CNOT1: variants seen among roughly 807,000 people sequenced by gnomAD.
The protein encoded by CNOT1 is CCR4-NOT transcription complex subunit 1, also known as CCR4-associated factor 1.
CNOT1 carries 15 observed loss-of-function variants against 273.8 expected under a neutral mutation model. The observed-to-expected ratio is 0.05, with a 90% CI of 0.04 to 0.08. CNOT1 has a LOEUF of 0.08. CNOT1 is among the 10% of genes least tolerant of loss of function. CNOT1 has a pLI of 1.00. For missense variants in CNOT1, 1,644 were observed against 2,912.2 expected, an observed-to-expected ratio of 0.56 and a Z score of 10.02; for synonymous variants, 1,022 against 1,005.5, an observed-to-expected ratio of 1.02 and a Z score of -0.31.
intron 16 of CNOT1, among the ~76,000 whole-genome samples, chr16:58,566,564 T>C (rs1458262083): frequency 6.6e-6 from 1 of 152,230 alleles, no homozygotes; most frequent in Non-Finnish European, 1.5e-5. Context: ...CTTGAAACTG[T>C]AGAACATTTA....
At chr16:58,557,259 T>C (rs1263605817) in intron 18 of CNOT1, among the ~76,000 whole-genome samples, 3 of 152,172 alleles carry the variant, frequency 2.0e-5, no homozygotes, top group Non-Finnish European at 2.9e-5. Flanking sequence ...AATGTATACA[T>C]TCTCAAAGCA....
Position 58,582,891 on chromosome 16 carries a change from G to C in CNOT1, c.946C>G (p.Pro316Ala). The C allele has an allele frequency of 6.2e-7, 1 of 1,612,008 alleles. No homozygotes were observed. Among genetic ancestry groups the C allele is most frequent in the South Asian group, 1.1e-5 (1 of 91,020 alleles). ...DGIPLQSISA[P>A]GSGIWSDGKD... ...CCATCACTCCAGATCCCACTGCCCG[G>C]AGCAGAAATACTCTGTAGAAGTAAA... Residue 316 changes from proline (P) to alanine (A), a missense_variant, in exon 10 of 49, where the codon CCG becomes GCG. Pro to Ala is a conservative substitution (Grantham distance 27). Coordinates refer to ENST00000317147, the MANE Select transcript of CNOT1 (RefSeq NM_016284.5).
At chr16:58,581,959 G>A (rs1018056103) in intron 10 of CNOT1, among the ~76,000 whole-genome samples, 2 of 151,896 alleles carry the variant, frequency 1.3e-5, no homozygotes, top group South Asian at 2.1e-4. Flanking sequence ...CTCCACAACC[G>A]GCTTATCACA....
In CNOT1 at chr16:58,543,745, C is replaced by T. The variant is rs771007635; in HGVS notation, c.4296G>A (p.Ser1432=). The change falls in exon 31 of 49, where the codon TCG becomes TCA. Residue 1432 remains serine, a synonymous_variant. Transcript: ENST00000317147. ...CTGCTATTCGCATTCGAGATTCCTC[C>T]GAATCCAGGGCAAAATCCTTCCTGA... ...QIVRKDFALD[S]EESRMRIAAH... 65 of 1,613,980 alleles carry T rather than the reference C, an allele frequency of 4.0e-5. No homozygotes were observed. The highest frequency in any genetic ancestry group is 2.0e-4 in the Admixed American group (12 of 59,974).
chr16:58,562,512 A>T (rs1379527256), intron 16 of CNOT1, among the ~76,000 whole-genome samples: 1 of 150,896 alleles, frequency 6.6e-6, no homozygotes, highest in Non-Finnish European at 1.5e-5. Flanking sequence ...TCTAAAAAAA[A>T]TAAATTAAAA....
chr16:58,547,340 C>G lies in CNOT1; in HGVS notation c.3640-44G>C. The G allele has an allele frequency of 6.2e-7, 1 of 1,602,260 alleles. No homozygotes were observed. The highest frequency in any genetic ancestry group is 8.5e-7 in the Non-Finnish European group (1 of 1,175,034). ...TTTCAAAAGCGGGGAATATACCCCC[C>G]AAAATGGTATAACAAAACCAAAGAA... On this transcript the variant is annotated intron_variant, in intron 26 of 48. Transcript: ENST00000317147. This position sits in a 1 kb window ranked among gnomAD's most constrained non-coding sequence, Gnocchi z 4.0.
chr16:58,627,511 T>C (rs2043636428), intron 1 of CNOT1, among the ~76,000 whole-genome samples: 2 of 150,340 alleles, frequency 1.3e-5, no homozygotes, highest in African/African-American at 4.9e-5. Context: ...CTTTAAAGCA[T>C]GTTTTGAAAA....
intron 1 of CNOT1, among the ~76,000 whole-genome samples, chr16:58,610,291 C>CATTACATGAG (rs2042849333): frequency 6.6e-6 from 1 of 152,176 alleles, no homozygotes; most frequent in Non-Finnish European, 1.5e-5. Flanking sequence ...TGGTGGTAGA[C>CATTACATGAG]ACCTGTAATC....
chr16:58,591,644 C>T (rs1323435315), intron 2 of CNOT1, among the ~76,000 whole-genome samples: 1 of 151,930 alleles, frequency 6.6e-6, no homozygotes, highest in Admixed American at 6.6e-5. Flanking sequence ...ATCCCAGCTA[C>T]TCAGGAGGCT....
intron 11 of CNOT1, 108 bp from the exon 12 acceptor site, chr16:58,580,868 T>A: frequency 9.2e-7 from 1 of 1,088,102 alleles, no homozygotes; most frequent in Non-Finnish European, 1.3e-6. Context: ...GCATGGCAAT[T>A]TCCCGTTTAA....
In CNOT1 at chr16:58,524,226, GGT is replaced by G. The variant is rs1260581863; in HGVS notation, c.6785-726_6785-725del. ...TATTGCGCCACTGCCTTCTAGCCTG[GGT>G]GTGAGAGCAAGACTCTATCGCAAAA... On this transcript the variant is annotated intron_variant, in intron 46 of 48. Coordinates refer to ENST00000317147, the MANE Select transcript of CNOT1 (RefSeq NM_016284.5). 1.2e-3 allele frequency among the ~76,000 whole-genome samples: 182 copies of G among 148,158 alleles called. 2 individuals are homozygous for G. The highest frequency in any genetic ancestry group is 3.6e-3 in the Middle Eastern group (1 of 280).
chr16:58,553,033 A>G (rs1207273698), intron 22 of CNOT1, among the ~76,000 whole-genome samples: 1 of 152,140 alleles, frequency 6.6e-6, no homozygotes, highest in Non-Finnish European at 1.5e-5. Flanking sequence ...AGCACTTTGC[A>G]GGGCGGAGGT....
chr16:58,626,981 T>C (rs2043611628), intron 1 of CNOT1, among the ~76,000 whole-genome samples: 1 of 151,996 alleles, frequency 6.6e-6, no homozygotes, highest in African/African-American at 2.4e-5. Flanking sequence ...GCCAAAAAAA[T>C]TAGTCCCAAA....
chr16:58,543,106 A>G, intron 31 of CNOT1: 1 of 1,272,408 alleles, frequency 7.9e-7, no homozygotes, highest in Non-Finnish European at 1.0e-6. Context: ...AAACATTAAA[A>G]AAAAGGCAAA....
intron 16 of CNOT1, among the ~76,000 whole-genome samples, chr16:58,571,998 A>C (rs1038455491): frequency 2.0e-5 from 3 of 151,920 alleles, no homozygotes; most frequent in Non-Finnish European, 4.4e-5. Context: ...AATAAAAAAA[A>C]TTGGGCTGGG....
intron 16 of CNOT1, among the ~76,000 whole-genome samples, 157 bp from the exon 17 acceptor site, chr16:58,560,519 G>GC (rs1205906672): frequency 2.6e-5 from 4 of 151,318 alleles, no homozygotes; most frequent in African/African-American, 4.9e-5. Flanking sequence ...TGCAACCTCT[G>GC]CCCCCCGGGT....
chr16:58,526,511 T>TA (rs57367601), intron 44 of CNOT1, among the ~76,000 whole-genome samples: 20,043 of 80,752 alleles, frequency 0.25, 3,739 homozygotes, highest in East Asian at 0.55. Context: ...ACTTACTCCT[T>TA]AAAAAAAAAA....
intron 16 of CNOT1, among the ~76,000 whole-genome samples, chr16:58,564,862 G>A (rs555907049): frequency 6.6e-6 from 1 of 152,080 alleles, no homozygotes; most frequent in East Asian, 1.9e-4. Context: ...CTTGAACCTG[G>A]GAGGCAGATG....
intron 36 of CNOT1, 87 bp downstream of exon 36, chr16:58,538,685 G>A: frequency 2.6e-6 from 4 of 1,547,142 alleles, no homozygotes; most frequent in Non-Finnish European, 3.5e-6. Flanking sequence ...CTAGAAAAAA[G>A]GGAAACCCCT....
Sources: gnomAD v4.1 joint callset for allele counts (sites outside exome capture counted in the v4.1 genomes callset) on GRCh38, gnomAD v4.1.1 for gene constraint, Gnocchi (gnomAD v3.1) non-coding constraint, MANE v1.5 for transcripts, NCBI Gene and HGNC (gene_info 2026-07-23, HGNC 2026-07-21) for gene names.